The following SOX6 variants were observed in gnomAD, a reference collection of about 807,000 sequenced individuals.
The protein encoded by SOX6 is SRY-box transcription factor 6, also known as transcription factor SOX-6.
Under a neutral mutation model 97.8 loss-of-function variants are expected in SOX6, and 11 were observed. The observed-to-expected ratio is 0.11, with a 90% CI of 0.07 to 0.19. SOX6 has a LOEUF of 0.19. SOX6 is among the 10% of genes least tolerant of loss of function. The probability of loss-of-function intolerance (pLI) is 1.00; values close to 1 mark genes in which losing one functional copy is unlikely to be tolerated. For synonymous variants in SOX6, 360 were observed against 371.4 expected (o/e 0.97, Z 0.35); for missense variants, 810 against 1,039.5 (o/e 0.78, Z 3.04).
At chr11:16,686,901 T>C (rs1212213440) in intron 3 of SOX6, among the ~76,000 whole-genome samples, 1 of 152,100 alleles carries the variant, frequency 6.6e-6, no homozygotes, top group Non-Finnish European at 1.5e-5. Flanking sequence ...AGGCAGAGGT[T>C]ACAGTGAGCC....
intron 3 of SOX6, among the ~76,000 whole-genome samples, chr11:16,694,299 A>G (rs1039379092): frequency 6.6e-6 from 1 of 152,222 alleles, no homozygotes; most frequent in African/African-American, 2.4e-5. Flanking sequence ...AGGCCATGAC[A>G]GGAGGATGGT....
chr11:16,352,470 T>A (rs1373069685), intron 1 of SOX6, among the ~76,000 whole-genome samples: 1 of 152,066 alleles, frequency 6.6e-6, no homozygotes, highest in Non-Finnish European at 1.5e-5. Flanking sequence ...TGTTTACTGA[T>A]AAGAAAGCCA....
chr11:16,031,752 C>A (rs796209256), intron 12 of SOX6, among the ~76,000 whole-genome samples: 1 of 151,250 alleles, frequency 6.6e-6, no homozygotes. Context: ...ACAAGGGGAA[C>A]AGGAAAGGGC....
At chr11:16,362,532 A>G (rs1020601999) in intron 1 of SOX6, among the ~76,000 whole-genome samples, 3 of 152,056 alleles carry the variant, frequency 2.0e-5, no homozygotes, top group Admixed American at 6.6e-5. Context: ...AAATAAAGCA[A>G]TTTTCCCTTA....
chr11:16,349,228 A>T (rs1856844079), intron 1 of SOX6, among the ~76,000 whole-genome samples: 2 of 152,216 alleles, frequency 1.3e-5, no homozygotes, highest in Admixed American at 1.3e-4. Flanking sequence ...AATTTATATC[A>T]TTCCTTCTAA....
Position 16,055,891 on chromosome 11 carries a change from G to T in SOX6, c.1112C>A (p.Ala371Asp). 1 of 1,613,542 alleles carries T rather than the reference G, an allele frequency of 6.2e-7. No homozygotes were observed. The highest frequency in any genetic ancestry group is 8.5e-7 in the Non-Finnish European group (1 of 1,179,746). ...YNHKQIEQLY[A>D]AQLASMQVSP... Reference sequence around the variant, plus strand: ...CACCTGCATGCTGGCCAGCTGAGCGGCATAGAGCTGCTGCAAAACAGGGAA... The same window carrying T: ...CACCTGCATGCTGGCCAGCTGAGCGTCATAGAGCTGCTGCAAAACAGGGAA... Residue 371 changes from alanine (A) to aspartate (D), a missense_variant, in exon 10 of 16, where the codon GCC (alanine) becomes GAC (aspartate). By Grantham distance (126) the Ala-to-Asp change is moderately radical. Transcript: ENST00000683767.
intron 1 of SOX6, among the ~76,000 whole-genome samples, chr11:16,473,736 G>A (rs965457513): frequency 6.6e-5 from 10 of 152,076 alleles, no homozygotes; most frequent in African/African-American, 2.2e-4. Context: ...ATTTTTAGTA[G>A]AGATGGAGTT....
At chr11:16,065,693 A>G (rs75482216) in intron 9 of SOX6, among the ~76,000 whole-genome samples, 1,830 of 152,228 alleles carry the variant, frequency 0.012, 34 homozygotes, top group African/African-American at 0.041. Flanking sequence ...GGCTAGAAAG[A>G]CAGGATATTC....
intron 12 of SOX6, chr11:16,023,076 T>G (rs1855114341): frequency 6.6e-6 from 1 of 152,098 alleles, no homozygotes; most frequent in African/African-American, 2.4e-5. Context: ...AATTAGTCCT[T>G]TCTAAGCCTA....
At chr11:16,394,397 A>G (rs991852975) in intron 1 of SOX6, among the ~76,000 whole-genome samples, 1 of 151,852 alleles carries the variant, frequency 6.6e-6, no homozygotes, top group Non-Finnish European at 1.5e-5. Flanking sequence ...AAACATTTTA[A>G]TTAAATCCTC....
intron 4 of SOX6, among the ~76,000 whole-genome samples, chr11:16,221,215 A>G (rs888836894): frequency 3.3e-5 from 5 of 152,140 alleles, no homozygotes; most frequent in African/African-American, 1.2e-4. Context: ...CAAATAAAAT[A>G]GTGAGTAAAA....
At chr11:16,057,569 C>T (rs1279221794) in intron 9 of SOX6, among the ~76,000 whole-genome samples, 1 of 152,152 alleles carries the variant, frequency 6.6e-6, no homozygotes, top group Non-Finnish European at 1.5e-5. Context: ...TTCCTCAGGC[C>T]TACCTACTGC....
intron 4 of SOX6, among the ~76,000 whole-genome samples, chr11:16,550,294 C>T (rs1047651094): frequency 3.9e-5 from 6 of 152,020 alleles, no homozygotes; most frequent in African/African-American, 1.4e-4. Context: ...GGGTGGGGAA[C>T]ATCACACACC....
intron 2 of SOX6, among the ~76,000 whole-genome samples, chr11:16,327,994 C>T (rs963365776): frequency 2.0e-5 from 3 of 152,146 alleles, no homozygotes; most frequent in African/African-American, 7.2e-5. Context: ...TCTTATAGCA[C>T]CATATGTTGT....
At chr11:16,494,953 C>T (rs559954662) in intron 4 of SOX6, among the ~76,000 whole-genome samples, 7 of 152,284 alleles carry the variant, frequency 4.6e-5, no homozygotes, top group African/African-American at 1.7e-4. Flanking sequence ...TAAGCAACTA[C>T]AGCAAGATGC....
At chr11:16,503,935 C>T (rs1176515995) in intron 4 of SOX6, among the ~76,000 whole-genome samples, 4 of 151,706 alleles carry the variant, frequency 2.6e-5, no homozygotes, top group Non-Finnish European at 4.4e-5. Context: ...CCCAGCTACT[C>T]GGGAGGTTGA....
At chr11:16,464,447 T>C (rs1164073716) in intron 1 of SOX6, among the ~76,000 whole-genome samples, 2 of 150,344 alleles carry the variant, frequency 1.3e-5, no homozygotes, top group African/African-American at 4.9e-5. Context: ...ACAATCTCTT[T>C]CTAAATGAAA....
chr11:16,631,473 T>G (rs1271022611), intron 3 of SOX6, among the ~76,000 whole-genome samples: 1 of 152,196 alleles, frequency 6.6e-6, no homozygotes, highest in Non-Finnish European at 1.5e-5. Flanking sequence ...CTGATGGGAT[T>G]CCCTTTGTAC....
chr11:16,226,629 A>G (rs1172670409), intron 4 of SOX6, among the ~76,000 whole-genome samples: 1 of 152,178 alleles, frequency 6.6e-6, no homozygotes, highest in Non-Finnish European at 1.5e-5. Context: ...TATCTCATAA[A>G]TAACTATGGC....
Sources: allele counts gnomAD v4.1 joint callset (sites outside exome capture counted in the v4.1 genomes callset), GRCh38; gene constraint gnomAD v4.1.1; transcripts MANE v1.5; gene names NCBI Gene and HGNC (gene_info 2026-07-23, HGNC 2026-07-21).